The following LMTK2 variants were observed in gnomAD, a reference collection of about 807,000 sequenced individuals.
The protein encoded by LMTK2 is serine/threonine-protein kinase LMTK2.
In LMTK2, 37 loss-of-function variants were observed where a neutral mutation model predicts 127.5. That is an observed-to-expected ratio of 0.29 (90% CI 0.22 to 0.38). LMTK2 has a LOEUF of 0.38. Ranked by LOEUF, LMTK2 falls within the 10% of genes least tolerant of loss-of-function variation. The probability of loss-of-function intolerance (pLI) is 1.00; values close to 1 mark genes in which losing one functional copy is unlikely to be tolerated. For missense variants in LMTK2, 1,694 were observed against 1,920.3 expected (o/e 0.88, Z 2.20); for synonymous variants, 819 against 810.1 (o/e 1.01, Z -0.19).
At chr7:98,125,336 T>A (rs538542306) in intron 1 of LMTK2, among the ~76,000 whole-genome samples, 1 of 152,354 alleles carries the variant, frequency 6.6e-6, no homozygotes, top group South Asian at 2.1e-4. Flanking sequence ...GTCCTTTGTT[T>A]TATTTTTCCA....
At chr7:98,116,965 T>C (rs1450575127) in intron 1 of LMTK2, among the ~76,000 whole-genome samples, 1 of 152,238 alleles carries the variant, frequency 6.6e-6, no homozygotes, top group Non-Finnish European at 1.5e-5. Context: ...TGTGGGTTTC[T>C]GGGAGGAAGA....
chr7:98,109,722 C>T (rs1472228057), intron 1 of LMTK2, among the ~76,000 whole-genome samples: 5 of 121,912 alleles, frequency 4.1e-5, no homozygotes, highest in African/African-American at 1.6e-4. Flanking sequence ...ATAGCCTGGG[C>T]AACAGAGTGA....
chr7:98,193,892 G>A lies in LMTK2; in HGVS notation c.3427G>A (p.Glu1143Lys), dbSNP rs767583972. ...EQPLPEPVLP[E>K]QSPAAQDSCL... ...GCCCCTACCCGAGCCAGTCCTCCCC[G>A]AGCAAAGTCCTGCTGCCCAGGATAG... is the stretch of plus-strand genomic sequence containing the variant. The change falls in exon 11 of 14, where the codon GAG (glutamate) becomes AAG (lysine). Residue 1143 changes from glutamate (E) to lysine (K), a missense_variant. Glu to Lys is a moderately conservative substitution (Grantham distance 56). Around this residue, in one of 8 missense-constraint regions of LMTK2, gnomAD observed 554 missense variants for 567.7 expected, o/e 0.98. Transcript: ENST00000297293. The surrounding 1 kb of genome is among the most constrained non-coding windows in gnomAD (Gnocchi z 4.1). The A allele has an allele frequency of 1.6e-5, 26 of 1,613,912 alleles. No homozygotes were observed. Among genetic ancestry groups the A allele is most frequent in the East Asian group, 8.9e-5 (4 of 44,886 alleles).
rs546047239 is a variant in LMTK2, at chr7:98,160,685, G to T, written c.657+1260G>T. 2.0e-5 allele frequency among the ~76,000 whole-genome samples: 3 copies of T among 152,174 alleles called. No homozygotes were observed. In the South Asian group the frequency reaches 6.2e-4, roughly 32 times the overall value. ...ATTTGGGGGAAGGAGTGTGGAGGGG[G>T]TTTGAGTCAGTTTTCTGTTGGTTAC... On this transcript the variant is annotated intron_variant, in intron 6 of 13. Transcript: ENST00000297293.
intron 1 of LMTK2, among the ~76,000 whole-genome samples, chr7:98,119,379 C>T (rs1796330887): frequency 6.6e-6 from 1 of 152,134 alleles, no homozygotes; most frequent in Admixed American, 6.6e-5. Flanking sequence ...ATGCCAACAC[C>T]TGAAATCTGA....
Position 98,107,117 on chromosome 7 carries a change from G to T in LMTK2, c.-61G>T. On this transcript the variant is annotated 5_prime_UTR_variant, in exon 1 of 14. Coordinates refer to ENST00000297293, the MANE Select transcript of LMTK2 (RefSeq NM_014916.4). The stretch of plus-strand genomic sequence containing the variant: ...AGGGAGGCAGGATCGACTGACGGGC[G>T]AACGGACGGACGGACGGAAGGCGAC... 7.7e-7 allele frequency: 1 copy of T among 1,291,166 alleles called. No individual in the cohort carries two copies. Among genetic ancestry groups the T allele is most frequent in the Non-Finnish European group, 1.0e-6 (1 of 992,800 alleles). The allele number at this position is 1,291,166 out of a possible 1,614,324, so 80.0% of individuals were successfully genotyped here.
intron 6 of LMTK2, among the ~76,000 whole-genome samples, chr7:98,168,689 G>A (rs551916320): frequency 2.4e-4 from 37 of 152,272 alleles, no homozygotes; most frequent in Admixed American, 2.1e-3. Context: ...TCAGCATTGA[G>A]GAGCGGGCTT....
At chr7:98,202,794 TTCATCGGG>T (rs1797721100) in intron 11 of LMTK2, among the ~76,000 whole-genome samples, 4 of 152,156 alleles carry the variant, frequency 2.6e-5, no homozygotes, top group Admixed American at 2.6e-4. Flanking sequence ...CCCCAGCAAC[TTCATCGGG>T]TCACCTTTTT....
chr7:98,193,650 G>T lies in LMTK2; in HGVS notation c.3185G>T (p.Gly1062Val). ...TCAGAACCAGCCACCACGGGCGATG[G>T]CGGCCACAGCGGTCTGCCTCCCAAC... ...ADSEPATTGD[G>V]GHSGLPPNPV... Residue 1062 changes from glycine (G) to valine (V), a missense_variant, in exon 11 of 14, where the codon GGC becomes GTC. Gly to Val is a moderately radical substitution (Grantham distance 109). This residue lies in a region of LMTK2 where 65 missense variants were observed against 116.5 expected (regional missense o/e 0.56). Coordinates refer to ENST00000297293, the MANE Select transcript of LMTK2 (RefSeq NM_014916.4). This position sits in a 1 kb window ranked among gnomAD's most constrained non-coding sequence, Gnocchi z 4.1. The T allele has an allele frequency of 6.2e-7, 1 of 1,613,926 alleles. No homozygotes were observed. The highest frequency in any genetic ancestry group is 8.5e-7 in the Non-Finnish European group (1 of 1,180,014).
At position 98,207,595 on chromosome 7, in the gene LMTK2, GTTT is replaced by G. The variant is rs1797827555; in HGVS notation, c.*2105_*2107del. 3 of 151,676 alleles carry G rather than the reference GTTT, an allele frequency of 2.0e-5. No individual in the cohort carries two copies. The highest frequency in any genetic ancestry group is 7.3e-5 in the African/African-American group (3 of 41,224). 9.4% of individuals were successfully genotyped at this position (151,676 alleles called of 1,614,324 possible). A position where few individuals can be genotyped will look rare whatever the true frequency, so the allele number is the denominator to read the frequency against. On this transcript the variant is annotated 3_prime_UTR_variant, in exon 14 of 14. Coordinates refer to ENST00000297293, the MANE Select transcript of LMTK2 (RefSeq NM_014916.4). Reference sequence around the variant, plus strand: ...AATTCTTGCTGTGGGGACTTCCTGAGTTTTCTCAGTTTTTACATCTAAGATTAG... The same window carrying G: ...AATTCTTGCTGTGGGGACTTCCTGAGTCTCAGTTTTTACATCTAAGATTAG...
chr7:98,189,627 C>G (rs893335808), intron 9 of LMTK2, among the ~76,000 whole-genome samples: 2 of 152,098 alleles, frequency 1.3e-5, no homozygotes, highest in African/African-American at 4.8e-5. Flanking sequence ...TAAATAGACA[C>G]AAATGCGGGA....
In LMTK2 at chr7:98,171,530, G is replaced by C; in HGVS notation, c.658-11G>C. 1 of 1,614,030 alleles carries C rather than the reference G, an allele frequency of 6.2e-7. No homozygotes were observed. Among genetic ancestry groups the C allele is most frequent in the South Asian group, 1.1e-5 (1 of 91,084 alleles). On this transcript the variant is annotated splice_polypyrimidine_tract_variant and intron_variant, in intron 6 of 13. Transcript: ENST00000297293. The surrounding 1 kb of genome is among the most constrained non-coding windows in gnomAD (Gnocchi z 5.1). ...GCTCGTTTGGAAACTCACACGGGCT[G>C]ACTTTTGCAGGGTGACCTGAAGGCG...
intron 1 of LMTK2, among the ~76,000 whole-genome samples, chr7:98,132,872 C>T (rs911397265): frequency 6.6e-5 from 10 of 151,892 alleles, no homozygotes; most frequent in African/African-American, 1.7e-4. Context: ...TTCTAGAGAT[C>T]GTGAATCAGA....
At chr7:98,177,475 C>T (rs1018503861) in intron 7 of LMTK2, among the ~76,000 whole-genome samples, 3 of 152,152 alleles carry the variant, frequency 2.0e-5, no homozygotes, top group Admixed American at 6.5e-5. Flanking sequence ...AATTCCCATT[C>T]GAATCTGAAC....
In LMTK2 at chr7:98,175,205, G is replaced by A. The variant is rs1333307295; in HGVS notation, c.791+3531G>A. On this transcript the variant is annotated intron_variant, in intron 7 of 13. Coordinates refer to ENST00000297293, the MANE Select transcript of LMTK2 (RefSeq NM_014916.4). The stretch of plus-strand genomic sequence containing the variant: ...AGTTACTTTGGGAAGAGTCCAGGTC[G>A]GTTTTTGGAAGGAGGTGGCGTTTTA... 2.0e-5 allele frequency among the ~76,000 whole-genome samples: 3 copies of A among 152,170 alleles called. No homozygotes were observed. The South Asian group carries it at 6.2e-4, about 32-fold the overall frequency.
chr7:98,194,710 G>A lies in LMTK2; in HGVS notation c.4107+138G>A. ...TGATTACTCACAAAAAGTAATTTGG[G>A]GTTGGTTAGAGTTCTAAGAATATGC... On this transcript the variant is annotated intron_variant, in intron 11 of 13. Transcript: ENST00000297293. This position sits in a 1 kb window ranked among gnomAD's most constrained non-coding sequence, Gnocchi z 5.4. 2 of 771,872 alleles carry A rather than the reference G, an allele frequency of 2.6e-6. No individual in the cohort carries two copies. Among genetic ancestry groups the A allele is most frequent in the Non-Finnish European group, 4.0e-6 (2 of 494,062 alleles). The allele number at this position is 771,872 out of a possible 1,614,324, so 47.8% of individuals were successfully genotyped here.
At chr7:98,199,031 C>A (rs1797671914) in intron 11 of LMTK2, among the ~76,000 whole-genome samples, 1 of 151,892 alleles carries the variant, frequency 6.6e-6, no homozygotes, top group Non-Finnish European at 1.5e-5. Flanking sequence ...TTTATTGTAT[C>A]TTTTTGTTAT....
chr7:98,107,305 G>A, intron 1 of LMTK2, 25 bp downstream of exon 1: 3 of 1,306,936 alleles, frequency 2.3e-6, no homozygotes, highest in Non-Finnish European at 2.9e-6. Flanking sequence ...GGCGGGGACG[G>A]GGCTGCGGGG....
chr7:98,123,520 C>T (rs766852283), intron 1 of LMTK2, among the ~76,000 whole-genome samples: 1 of 151,938 alleles, frequency 6.6e-6, no homozygotes, highest in South Asian at 2.1e-4. Context: ...TCTCTGTGGC[C>T]GCTGTCCAGC....
Sources: allele counts gnomAD v4.1 joint callset (sites outside exome capture counted in the v4.1 genomes callset), GRCh38; gene constraint gnomAD v4.1.1; regional missense constraint gnomAD v4.1.1; non-coding constraint Gnocchi (gnomAD v3.1); transcripts MANE v1.5; gene names NCBI Gene and HGNC (gene_info 2026-07-23, HGNC 2026-07-21).